Variants in PLCE1 observed in about 807,000 individuals in gnomAD.
PLCE1 encodes the protein 1-phosphatidylinositol 4,5-bisphosphate phosphodiesterase epsilon-1.
Under a neutral mutation model 242.8 loss-of-function variants are expected in PLCE1, and 119 were observed. The ratio of observed to expected loss-of-function variants is 0.49; its 90% CI spans 0.42 to 0.57. The LOEUF (loss-of-function observed/expected upper bound fraction) is 0.57, where lower values mean the gene tolerates loss of function less well. Among genes scored for constraint, PLCE1 ranks in the 20% least tolerant of loss-of-function variants. The pLI is 0.00. For missense variants in PLCE1, 2,441 were observed against 2,788.8 expected (o/e 0.88, Z 2.81); for synonymous variants, 945 against 1,017.4 (o/e 0.93, Z 1.35).
At chr10:94,311,186 T>A in intron 27 of PLCE1, among the ~76,000 whole-genome samples, 1 of 152,214 alleles carries the variant, frequency 6.6e-6, no homozygotes, top group South Asian at 2.1e-4. Flanking sequence ...AACCCCATCA[T>A]TTAGGGTTTT....
At chr10:94,193,717 T>C (rs978507929) in intron 4 of PLCE1, among the ~76,000 whole-genome samples, 7 of 152,216 alleles carry the variant, frequency 4.6e-5, no homozygotes, top group South Asian at 2.1e-4. Flanking sequence ...AATTTCAAAA[T>C]GACAGTGCTT....
chr10:94,019,443 A>G (rs1014808289), intron 1 of PLCE1, among the ~76,000 whole-genome samples: 1 of 152,206 alleles, frequency 6.6e-6, no homozygotes, highest in African/African-American at 2.4e-5. Flanking sequence ...GGGACATGTT[A>G]TAGTCTTCCC....
chr10:94,306,595 G>A lies in PLCE1; in HGVS notation c.5791G>A (p.Glu1931Lys), dbSNP rs745313987. 9.9e-6 allele frequency: 16 copies of A among 1,613,952 alleles called. No homozygotes were observed. Among genetic ancestry groups the A allele is most frequent in the African/African-American group, 8.0e-5 (6 of 74,912 alleles). The change falls in exon 26 of 33, where the codon GAA becomes AAA. Residue 1931 changes from glutamate (E) to lysine (K), a missense_variant. Transcript: ENST00000371380. The surrounding 1 kb of genome is among the most constrained non-coding windows in gnomAD (Gnocchi z 5.7). Reference sequence around the variant, plus strand: ...GCAGTTTCTGTTCCACGTTCACTTCGAAGATCTTGTATTTCTTCGTTTTGC... The same window carrying A: ...GCAGTTTCTGTTCCACGTTCACTTCAAAGATCTTGTATTTCTTCGTTTTGC... ...NEQFLFHVHFEDLVFLRFAVV... is the reference protein window; with the variant it reads ...NEQFLFHVHFKDLVFLRFAVV...
intron 2 of PLCE1, among the ~76,000 whole-genome samples, chr10:94,117,181 C>T (rs968069182): frequency 5.9e-5 from 9 of 152,146 alleles, no homozygotes; most frequent in Non-Finnish European, 8.8e-5. Flanking sequence ...TGTGGTGAGA[C>T]CAGAAGATCT....
Position 94,329,796 on chromosome 10 carries a change from A to AC in PLCE1, c.*1853_*1854insC, listed in dbSNP as rs1564905167. 11 of 150,426 alleles carry AC rather than the reference A, an allele frequency of 7.3e-5. No individual in the cohort carries two copies. The highest frequency in any genetic ancestry group is 2.7e-4 in the Admixed American group (4 of 15,008). 9.3% of individuals were successfully genotyped at this position (150,426 alleles called of 1,614,324 possible). ...CGTCTCAAAAAAAAAAAAAAAAAAA[A>AC]AAAAAAAAAAAAAAACACCATACAG... is the stretch of plus-strand genomic sequence containing the variant. On this transcript the variant is annotated 3_prime_UTR_variant, in exon 33 of 33. Coordinates refer to ENST00000371380, the MANE Select transcript of PLCE1 (RefSeq NM_016341.4).
intron 9 of PLCE1, among the ~76,000 whole-genome samples, chr10:94,253,285 A>G (rs1180148392): frequency 6.6e-6 from 1 of 152,184 alleles, no homozygotes; most frequent in Non-Finnish European, 1.5e-5. Context: ...GTCATGGCAG[A>G]AGGTGAAGCG....
rs1225698977 is a variant in PLCE1 at position 94,042,907 on chromosome 10, A to G, written c.1206+10655A>G. Among the ~76,000 whole-genome samples the G allele has an allele frequency of 2.0e-5, 3 of 152,338 alleles. No individual in the cohort carries two copies. The East Asian group carries it at 5.8e-4, about 29-fold the overall frequency. ...CAATCATGCTGAGATACCCAAAAATACTGGCAACGTATGTTAGTATTTTTC... is the reference window on the plus strand; with the variant it reads ...CAATCATGCTGAGATACCCAAAAATGCTGGCAACGTATGTTAGTATTTTTC... On this transcript the variant is annotated intron_variant, in intron 2 of 32. Transcript: ENST00000371380.
intron 4 of PLCE1, among the ~76,000 whole-genome samples, chr10:94,173,000 C>T (rs923510498): frequency 5.3e-5 from 8 of 152,162 alleles, no homozygotes; most frequent in African/African-American, 1.9e-4. Flanking sequence ...GTCCTGAACA[C>T]CAGTCTATCT....
chr10:94,015,463 A>C (rs780178731), intron 1 of PLCE1, among the ~76,000 whole-genome samples: 15 of 152,230 alleles, frequency 9.9e-5, no homozygotes, highest in Non-Finnish European at 1.9e-4. Flanking sequence ...TATGCATTGC[A>C]TCTATTGTTT....
At chr10:94,083,360 G>A (rs2044707651) in intron 2 of PLCE1, among the ~76,000 whole-genome samples, 1 of 152,166 alleles carries the variant, frequency 6.6e-6, no homozygotes, top group African/African-American at 2.4e-5. Flanking sequence ...GATGTATAAA[G>A]GTGTCGGTCG....
intron 1 of PLCE1, among the ~76,000 whole-genome samples, chr10:94,024,610 G>A (rs1343359992): frequency 6.6e-6 from 1 of 151,946 alleles, no homozygotes; most frequent in Admixed American, 6.6e-5. Flanking sequence ...AAACTCTATG[G>A]AATTCAACAG....
chr10:94,192,668 C>T (rs986298670), intron 4 of PLCE1, among the ~76,000 whole-genome samples: 4 of 151,990 alleles, frequency 2.6e-5, no homozygotes, highest in Non-Finnish European at 4.4e-5. Context: ...TTTGGTAGAA[C>T]GATTTCTTTT....
intron 22 of PLCE1, among the ~76,000 whole-genome samples, chr10:94,291,691 T>C (rs186903972): frequency 3.9e-4 from 60 of 152,198 alleles, no homozygotes; most frequent in Admixed American, 5.9e-4. Context: ...TCACTTGAGG[T>C]CAGGAGTTCA....
At chr10:94,278,539 A>G (rs2133233670) in intron 19 of PLCE1, among the ~76,000 whole-genome samples, 1 of 152,322 alleles carries the variant, frequency 6.6e-6, no homozygotes, top group Non-Finnish European at 1.5e-5. Flanking sequence ...ATATATTCTA[A>G]TAGCACAAAT....
intron 2 of PLCE1, among the ~76,000 whole-genome samples, chr10:94,078,208 T>C (rs2044559017): frequency 6.6e-6 from 1 of 152,242 alleles, no homozygotes. Flanking sequence ...TTGGCAAACA[T>C]TGCCATCTGA....
At chr10:94,198,766 G>A (rs956790504) in intron 4 of PLCE1, among the ~76,000 whole-genome samples, 1 of 152,180 alleles carries the variant, frequency 6.6e-6, no homozygotes, top group Admixed American at 6.5e-5. Context: ...AAATCCCTCA[G>A]CCAGGCATGG....
chr10:94,077,294 A>T (rs1172629613), intron 2 of PLCE1, among the ~76,000 whole-genome samples: 1 of 152,202 alleles, frequency 6.6e-6, no homozygotes, highest in East Asian at 1.9e-4. Flanking sequence ...GTGGCCAGAG[A>T]TGTTGCTAAA....
At chr10:94,324,666 C>A in intron 31 of PLCE1, 99 bp downstream of exon 31, 1 of 1,114,966 alleles carries the variant, frequency 9.0e-7, no homozygotes, top group Non-Finnish European at 1.4e-6. Flanking sequence ...GGAGAAAGTT[C>A]CTGAGTCAAG....
At chr10:94,283,757 C>T (rs201361464) in intron 20 of PLCE1, 33 bp from the exon 21 acceptor site, 14 of 1,602,754 alleles carry the variant, frequency 8.7e-6, no homozygotes, top group African/African-American at 2.7e-5. Flanking sequence ...GCATTGGGTT[C>T]GTTTTCACTG....
Sources: gnomAD v4.1 joint callset for allele counts (sites outside exome capture counted in the v4.1 genomes callset) on GRCh38, gnomAD v4.1.1 for gene constraint, Gnocchi (gnomAD v3.1) non-coding constraint, MANE v1.5 for transcripts, NCBI Gene and HGNC (gene_info 2026-07-23, HGNC 2026-07-21) for gene names.